PSCA: variants seen among roughly 807,000 people sequenced by gnomAD.
The protein encoded by PSCA is prostate stem cell antigen.
A neutral mutation model predicts 7.9 loss-of-function variants in PSCA; 7 were observed. The observed-to-expected ratio is 0.89, with a 90% CI of 0.51 to 1.67. The LOEUF is 1.67. Among genes scored for constraint, PSCA ranks in the 40% most tolerant of loss-of-function variants. PSCA has a pLI of 0.00. For missense variants in PSCA, 151 were observed against 147.9 expected, an observed-to-expected ratio of 1.02 and a Z score of -0.11; for synonymous variants, 61 against 68.3, an observed-to-expected ratio of 0.89 and a Z score of 0.53.
Position 142,682,363 on chromosome 8 carries a change from G to C in PSCA, c.*231G>C, listed in dbSNP as rs782596379. The stretch of plus-strand genomic sequence containing the variant: ...ATTGACACAGATCCGCCTGCAGATG[G>C]CCCCTCCAACCCTCTCTGCTGCTGT... On this transcript the variant is annotated 3_prime_UTR_variant, in exon 3 of 3. Coordinates refer to ENST00000301258, the MANE Select transcript of PSCA (RefSeq NM_005672.5). 2.8e-6 allele frequency: 2 copies of C among 703,006 alleles called. No homozygotes were observed. Among genetic ancestry groups the C allele is most frequent in the East Asian group, 5.4e-5 (2 of 37,140 alleles). 43.5% of individuals were successfully genotyped at this position (703,006 alleles called of 1,614,324 possible).
intron 2 of PSCA, 179 bp from the exon 3 acceptor site, chr8:142,681,742 G>A (rs192174789): frequency 6.6e-5 from 41 of 616,656 alleles, no homozygotes; most frequent in African/African-American, 6.1e-4. Flanking sequence ...CATCTGCCTC[G>A]GACATCTGGA....
upstream of PSCA, among the ~76,000 whole-genome samples, chr8:142,677,010 G>T (rs145553270): frequency 4.1e-3 from 617 of 152,244 alleles, 3 homozygotes; most frequent in African/African-American, 0.014. Context: ...TGTGACCAGG[G>T]TCAAAAATCA....
upstream of PSCA, among the ~76,000 whole-genome samples, chr8:142,679,144 C>A (rs1176810589): frequency 1.3e-5 from 2 of 152,350 alleles, no homozygotes; most frequent in East Asian, 3.9e-4. Context: ...GGGAGCTGGA[C>A]CAGCCTCCCA....
chr8:142,681,864 A>G, intron 2 of PSCA, 57 bp from the exon 3 acceptor site: 1 of 1,261,762 alleles, frequency 7.9e-7, no homozygotes. Flanking sequence ...GGCCTGGGGC[A>G]GGTCAGGCAG....
Position 142,673,697 on chromosome 8 carries a change from G to C in PSCA, n.261+3129G>C, listed in dbSNP as rs1563802747. Among the ~76,000 whole-genome samples, 1 of 152,198 alleles carries C rather than the reference G, an allele frequency of 6.6e-6. No individual in the cohort carries two copies. The highest frequency in any genetic ancestry group is 1.5e-5 in the Non-Finnish European group (1 of 68,036). ...TGGTTGGCTGGGGATGTGGAAAATG[G>C]TCCTCCTGTGCACTGAGTTTGCGTC... On this transcript the variant is annotated intron_variant and non_coding_transcript_variant, in intron 1 of 1. Coordinates refer to the PSCA transcript ENST00000505305. The surrounding 1 kb of genome is among the most constrained non-coding windows in gnomAD (Gnocchi z 4.6).
chr8:142,671,101 T>A (rs184856156), intron 1 of PSCA, among the ~76,000 whole-genome samples: 1 of 152,198 alleles, frequency 6.6e-6, no homozygotes, highest in East Asian at 1.9e-4. Context: ...CAGACACAGG[T>A]TTTTTTCCGA....
chr8:142,671,175 G>C (rs587725259), intron 1 of PSCA, among the ~76,000 whole-genome samples: 3 of 152,348 alleles, frequency 2.0e-5, no homozygotes, highest in Admixed American at 2.0e-4. Context: ...TAGGAGGGCA[G>C]GTGCCATATC....
At chr8:142,681,099 C>T (rs1372327410) in intron 1 of PSCA, 19 of 536,134 alleles carry the variant, frequency 3.5e-5, no homozygotes, top group Non-Finnish European at 6.1e-5. Context: ...GCAGCTTCCT[C>T]TTCTGAAACA....
At chr8:142,681,235 C>A in intron 1 of PSCA, 92 bp from the exon 2 acceptor site, 3 of 945,992 alleles carry the variant, frequency 3.2e-6, no homozygotes, top group African/African-American at 1.6e-5. Context: ...CTTCCTCAGG[C>A]CACCGCCATG....
At chr8:142,681,683 C>T in intron 2 of PSCA, 1 of 606,268 alleles carries the variant, frequency 1.6e-6, no homozygotes, top group Non-Finnish European at 2.9e-6. Flanking sequence ...CTCCCCATCC[C>T]TGAGCTCACT....
In PSCA at chr8:142,673,330, C is replaced by T. The variant is rs1485737621; in HGVS notation, n.261+2762C>T. ...AGTGGGGATTGGCATGAAACTGGGGCCTCATCCCAAGATGCATGGGGCTCC... is the reference window on the plus strand; with the variant it reads ...AGTGGGGATTGGCATGAAACTGGGGTCTCATCCCAAGATGCATGGGGCTCC... On this transcript the variant is annotated intron_variant and non_coding_transcript_variant, in intron 1 of 1. Transcript: ENST00000505305. The surrounding 1 kb of genome is among the most constrained non-coding windows in gnomAD (Gnocchi z 4.6). Among the ~76,000 whole-genome samples, 1 of 152,150 alleles carries T rather than the reference C, an allele frequency of 6.6e-6. No individual in the cohort carries two copies. Among genetic ancestry groups the T allele is most frequent in the East Asian group, 1.9e-4 (1 of 5,170 alleles).
At chr8:142,681,759 T>A in intron 2 of PSCA, 162 bp from the exon 3 acceptor site, 1 of 630,388 alleles carries the variant, frequency 1.6e-6, no homozygotes, top group East Asian at 2.7e-5. Context: ...TGGATAGGGC[T>A]GAGACCAGGG....
At chr8:142,676,343 C>G (rs1447130682), upstream of PSCA, 2 of 152,320 alleles carry the variant, frequency 1.3e-5, no homozygotes, top group African/African-American at 4.8e-5. Context: ...GACGCTTAGT[C>G]ATGGGGCATA....
Position 142,682,630 on chromosome 8 carries a change from C to T in PSCA, c.*498C>T. The T allele has an allele frequency of 2.8e-6, 1 of 354,074 alleles. No homozygotes were observed. Among genetic ancestry groups the T allele is most frequent in the Non-Finnish European group, 5.6e-6 (1 of 177,232 alleles). The allele number at this position is 354,074 out of a possible 1,614,324, so 21.9% of individuals were successfully genotyped here. ...AGTCTCCAGAGATGGGGCCTGGAGG[C>T]CTGGAGGAAGGGGCCAGGCCTCACA... is the stretch of plus-strand genomic sequence containing the variant. On this transcript the variant is annotated 3_prime_UTR_variant, in exon 3 of 3. Transcript: ENST00000301258.
At chr8:142,678,128 G>A (rs1217875154), upstream of PSCA, among the ~76,000 whole-genome samples, 5 of 152,164 alleles carry the variant, frequency 3.3e-5, no homozygotes, top group Non-Finnish European at 5.9e-5. Flanking sequence ...GGCCTTCCTG[G>A]ACGGTGCAGA....
intron 1 of PSCA, among the ~76,000 whole-genome samples, chr8:142,672,347 C>T (rs1847343004): frequency 6.6e-6 from 1 of 152,200 alleles, no homozygotes; most frequent in African/African-American, 2.4e-5. Context: ...ATACAGCTAT[C>T]AACTGCTGCA....
intron 1 of PSCA, among the ~76,000 whole-genome samples, chr8:142,674,903 C>T (rs1477735532): frequency 1.3e-5 from 2 of 152,256 alleles, no homozygotes; most frequent in African/African-American, 4.8e-5. Flanking sequence ...GAATACAGCT[C>T]AGGTCCTCGC....
chr8:142,671,630 C>T (rs1322437247), intron 1 of PSCA, among the ~76,000 whole-genome samples: 2 of 152,200 alleles, frequency 1.3e-5, no homozygotes, highest in Admixed American at 1.3e-4. Context: ...CTCCTCACCG[C>T]AGCTTCAACC....
upstream of PSCA, among the ~76,000 whole-genome samples, chr8:142,679,408 CCT>C (rs1290180764): frequency 3.2e-5 from 4 of 124,942 alleles, no homozygotes; most frequent in Admixed American, 8.6e-5. Context: ...GAGGCTGTCC[CCT>C]GTGTCAACAA....
Sources: gnomAD v4.1 joint callset for allele counts (sites outside exome capture counted in the v4.1 genomes callset) on GRCh38, gnomAD v4.1.1 for gene constraint, Gnocchi (gnomAD v3.1) non-coding constraint, MANE v1.5 for transcripts, NCBI Gene and HGNC (gene_info 2026-07-23, HGNC 2026-07-21) for gene names.